The following WDR1 variants were observed in gnomAD, a reference collection of about 807,000 sequenced individuals.
WDR1 encodes WD repeat domain 1.
A neutral mutation model predicts 71.9 loss-of-function variants in WDR1; 21 were observed. The ratio of observed to expected loss-of-function variants is 0.29; its 90% CI spans 0.21 to 0.42. The LOEUF (loss-of-function observed/expected upper bound fraction) is 0.42. Among genes scored for constraint, WDR1 ranks in the 10% least tolerant of loss-of-function variants. The pLI is 1.00. For missense variants in WDR1, 696 were observed against 824.5 expected (o/e 0.84, Z 1.91); for synonymous variants, 424 against 347.4 (o/e 1.22, Z -2.45).
At chr4:10,082,332 C>T (rs947264095) in intron 10 of WDR1, among the ~76,000 whole-genome samples, 3 of 151,730 alleles carry the variant, frequency 2.0e-5, no homozygotes, top group South Asian at 2.1e-4. Flanking sequence ...CCAGGCAACA[C>T]GACTTAGGCA....
intron 2 of WDR1, among the ~76,000 whole-genome samples, chr4:10,113,798 C>T (rs943478360): frequency 6.6e-6 from 1 of 152,204 alleles, no homozygotes; most frequent in Non-Finnish European, 1.5e-5. Context: ...AGTAGCGAAG[C>T]AGAGAGTGAA....
At chr4:10,112,276 C>A (rs1474445651) in intron 2 of WDR1, among the ~76,000 whole-genome samples, 1 of 152,218 alleles carries the variant, frequency 6.6e-6, no homozygotes, top group East Asian at 1.9e-4. Context: ...CACCCCAGAC[C>A]TAAGGAGGTA....
chr4:10,107,502 G>A (rs1278021690), intron 2 of WDR1, among the ~76,000 whole-genome samples: 1 of 152,082 alleles, frequency 6.6e-6, no homozygotes, highest in East Asian at 1.9e-4. Flanking sequence ...CCCACTCGTC[G>A]CTACCCTGCT....
chr4:10,077,936 G>A lies in WDR1; in HGVS notation c.1396-10C>T. 1.3e-6 allele frequency: 2 copies of A among 1,594,760 alleles called. No homozygotes were observed. The highest frequency in any genetic ancestry group is 4.5e-5 in the East Asian group (2 of 44,214). On this transcript the variant is annotated splice_polypyrimidine_tract_variant and intron_variant, in intron 12 of 14. Coordinates refer to ENST00000499869, the MANE Select transcript of WDR1 (RefSeq NM_017491.5). ...GGCGGACGTTGCCGTCCTACGGCAG[G>A]GACAGAGAGGAAGTGAGCCACCCCT...
intron 12 of WDR1, among the ~76,000 whole-genome samples, chr4:10,078,272 G>A (rs1764876916): frequency 6.6e-6 from 1 of 152,200 alleles, no homozygotes; most frequent in South Asian, 2.1e-4. Flanking sequence ...TGCCACGCCT[G>A]CTGCAGGACT....
At chr4:10,078,018 G>A (rs1369635564) in intron 12 of WDR1, 92 bp from the exon 13 acceptor site, 1 of 1,409,442 alleles carries the variant, frequency 7.1e-7, no homozygotes, top group Non-Finnish European at 9.4e-7. Context: ...TTAAGAAACT[G>A]TGCCGTTCCC....
intron 2 of WDR1, among the ~76,000 whole-genome samples, chr4:10,115,395 G>A (rs954864390): frequency 5.9e-5 from 9 of 152,244 alleles, no homozygotes; most frequent in African/African-American, 1.9e-4. Context: ...TGCAGAGAAT[G>A]ATTCATGGGA....
intron 3 of WDR1, among the ~76,000 whole-genome samples, chr4:10,103,269 CACACACACACACACACACAG>C (rs1437130015): frequency 2.3e-4 from 6 of 26,136 alleles, no homozygotes; most frequent in African/African-American, 3.4e-4. Flanking sequence ...TTCACACATA[CACACACACACACACACACAG>C]ACACACACAC....
rs774797358 is a variant in WDR1 at position 10,075,370 on chromosome 4, G to T, written c.*8C>A. On this transcript the variant is annotated 3_prime_UTR_variant, in exon 15 of 15. Transcript: ENST00000499869. Reference sequence around the variant, plus strand: ...ATTCGGTCCATCCAGAGGCGGGGGTGGGGCTCCTCAGTAGGTGATTGTCCA... The same window carrying T: ...ATTCGGTCCATCCAGAGGCGGGGGTTGGGCTCCTCAGTAGGTGATTGTCCA... 6.2e-7 allele frequency: 1 copy of T among 1,611,354 alleles called. No individual in the cohort carries two copies. Among genetic ancestry groups the T allele is most frequent in the Admixed American group, 1.7e-5 (1 of 59,950 alleles).
At chr4:10,113,927 T>C (rs771190307) in intron 2 of WDR1, among the ~76,000 whole-genome samples, 1 of 152,210 alleles carries the variant, frequency 6.6e-6, no homozygotes, top group African/African-American at 2.4e-5. Context: ...GAGATGTCAA[T>C]GAGACATGTT....
intron 2 of WDR1, among the ~76,000 whole-genome samples, chr4:10,111,007 G>C (rs544729786): frequency 3.9e-5 from 6 of 152,362 alleles, no homozygotes; most frequent in African/African-American, 1.4e-4. Context: ...AAACGTGAGA[G>C]CCAGAGATGG....
intron 12 of WDR1, 131 bp downstream of exon 12, chr4:10,078,760 C>G (rs1388737102): frequency 2.7e-6 from 2 of 737,584 alleles, no homozygotes; most frequent in Non-Finnish European, 4.3e-6. Context: ...GTCCCACGCC[C>G]CGACTGCCCC....
chr4:10,077,527 A>G, intron 13 of WDR1, 79 bp from the exon 14 acceptor site: 1 of 1,593,584 alleles, frequency 6.3e-7, no homozygotes. Context: ...CTTATCCCTC[A>G]TGGCGACAAT....
Position 10,075,051 on chromosome 4 carries a change from G to A in WDR1, c.*327C>T. The A allele has an allele frequency of 1.2e-5, 5 of 413,556 alleles. No homozygotes were observed. Among genetic ancestry groups the A allele is most frequent in the South Asian group, 6.3e-5 (1 of 15,970 alleles). The allele number at this position is 413,556 out of a possible 1,614,324, so 25.6% of individuals were successfully genotyped here. On this transcript the variant is annotated 3_prime_UTR_variant, in exon 15 of 15. Transcript: ENST00000499869. ...CTGACAGATAGTGAGAGCCGCGGCG[G>A]GGCCAGGGGCTCTGTGTGCTTTGGA...
Position 10,077,288 on chromosome 4 carries a change from TG to T in WDR1, c.1714+15del, listed in dbSNP as rs780731739. 1.4e-5 allele frequency: 23 copies of T among 1,613,508 alleles called. No homozygotes were observed. The Admixed American group carries it at 1.7e-4, about 12-fold the overall frequency. On this transcript the variant is annotated intron_variant, in intron 14 of 14. Transcript: ENST00000499869. ...ACCATGGGTGGTCCCTGCCAAGGCC[TG>T]GGGGCGGAAGTCACCTTGGATCTTG...
At chr4:10,098,451 G>C (rs979293354) in intron 4 of WDR1, among the ~76,000 whole-genome samples, 5 of 152,172 alleles carry the variant, frequency 3.3e-5, no homozygotes, top group African/African-American at 1.2e-4. Flanking sequence ...GGTGCTGCAG[G>C]GGGGACTCTG....
At chr4:10,081,532 TGCTCCTTAGAA>T (rs1765014331) in intron 10 of WDR1, 88 bp from the exon 11 acceptor site, 3 of 1,312,486 alleles carry the variant, frequency 2.3e-6, no homozygotes, top group Non-Finnish European at 3.3e-6. Context: ...ACCACAGTTT[TGCTCCTTAGAA>T]GGCAATTCTA....
intron 3 of WDR1, among the ~76,000 whole-genome samples, chr4:10,102,244 C>T (rs1489391063): frequency 2.0e-5 from 3 of 152,226 alleles, no homozygotes; most frequent in African/African-American, 7.2e-5. Context: ...GCACTAGCAG[C>T]CCCAGTTTGG....
chr4:10,101,545 T>C (rs1237665021), intron 3 of WDR1, among the ~76,000 whole-genome samples: 2 of 152,270 alleles, frequency 1.3e-5, no homozygotes, highest in East Asian at 3.8e-4. Flanking sequence ...GACCTGAGGA[T>C]GGCCCCAAAC....
Sources: gnomAD v4.1 joint callset for allele counts (sites outside exome capture counted in the v4.1 genomes callset) on GRCh38, gnomAD v4.1.1 for gene constraint, MANE v1.5 for transcripts, NCBI Gene and HGNC (gene_info 2026-07-23, HGNC 2026-07-21) for gene names.